TSC22D3: variants seen among roughly 807,000 people sequenced by gnomAD.
The protein encoded by TSC22D3 is TSC22 domain family protein 3.
Under a neutral mutation model 11.1 loss-of-function variants are expected in TSC22D3, and 4 were observed. The ratio of observed to expected loss-of-function variants is 0.36; its 90% confidence interval spans 0.18 to 0.83. The LOEUF is 0.83. TSC22D3 is among the 40% of genes least tolerant of loss of function. TSC22D3 has a pLI of 0.48. For missense variants in TSC22D3, 118 were observed against 159.4 expected, an observed-to-expected ratio of 0.74 and a Z score of 1.40; for synonymous variants, 77 against 70.3, an observed-to-expected ratio of 1.10 and a Z score of -0.48.
At chrX:107,734,560 TG>T (rs1928037024) in intron 1 of TSC22D3, among the ~76,000 whole-genome samples, 1 of 110,784 alleles carries the variant, frequency 9.0e-6, no homozygotes, top group African/African-American at 3.3e-5. Flanking sequence ...TGGGGTCCCA[TG>T]TTGGCAGGCA....
chrX:107,739,507 C>T (rs890608480), intron 1 of TSC22D3, among the ~76,000 whole-genome samples: 6 of 112,394 alleles, frequency 5.3e-5, no homozygotes, highest in African/African-American at 1.9e-4. Context: ...ACCACACACA[C>T]GCTGGGGAAA....
At position 107,755,664 on chromosome X, in the gene TSC22D3, A is replaced by C. The variant is rs1369038956; in HGVS notation, c.320+19436T>G. Among the ~76,000 whole-genome samples the C allele has an allele frequency of 2.7e-5, 3 of 112,557 alleles. No individual in the cohort carries two copies. The East Asian group carries it at 8.3e-4, about 31-fold the overall frequency. On this transcript the variant is annotated intron_variant, in intron 1 of 2. Coordinates refer to ENST00000372383, the MANE Select transcript of TSC22D3 (RefSeq NM_198057.3). ...TGATTTCGTACACATTTCCCACCAA[A>C]TCTTATCCGAATCTGTCAGGAAATC...
At chrX:107,716,545 T>TGGGC in intron 1 of TSC22D3, 9 of 795,747 alleles carry the variant, frequency 1.1e-5, no homozygotes, top group Non-Finnish European at 1.4e-5. Context: ...CCTTCCTGCG[T>TGGGC]CCCCTCCCCC....
At chrX:107,766,469 T>A (rs1051790033) in intron 1 of TSC22D3, among the ~76,000 whole-genome samples, 2 of 16,069 alleles carry the variant, frequency 1.2e-4, no homozygotes, top group African/African-American at 2.3e-4. Flanking sequence ...CCCCAACAAC[T>A]CCCCCCACCC....
intron 1 of TSC22D3, chrX:107,717,262 G>A: frequency 6.4e-6 from 1 of 157,209 alleles, no homozygotes; most frequent in Non-Finnish European, 1.1e-5. Flanking sequence ...TCTGGAGATC[G>A]ATAAAAACCA....
chrX:107,761,709 C>T (rs1929443299), intron 1 of TSC22D3, among the ~76,000 whole-genome samples: 3 of 111,693 alleles, frequency 2.7e-5, no homozygotes, highest in South Asian at 7.5e-4. Context: ...GAGAGTCACT[C>T]GCCTAAATCA....
At chrX:107,771,833 A>G (rs189203862) in intron 1 of TSC22D3, among the ~76,000 whole-genome samples, 1 of 112,395 alleles carries the variant, frequency 8.9e-6, no homozygotes, top group Admixed American at 9.4e-5. Context: ...ACTGATTCGT[A>G]TGTATATACA....
At chrX:107,769,655 CTA>C (rs757794742) in intron 1 of TSC22D3, among the ~76,000 whole-genome samples, 8 of 108,796 alleles carry the variant, frequency 7.4e-5, no homozygotes, top group Admixed American at 2.9e-4. Flanking sequence ...TATTTTACCA[CTA>C]TATATATATA....
chrX:107,763,307 C>G (rs1929523625), intron 1 of TSC22D3, among the ~76,000 whole-genome samples: 1 of 111,574 alleles, frequency 9.0e-6, no homozygotes, highest in Non-Finnish European at 1.9e-5. Context: ...GTTGGCTAAA[C>G]AAGTCCTGTT....
chrX:107,769,312 A>G (rs1486678677), intron 1 of TSC22D3, among the ~76,000 whole-genome samples: 1 of 112,951 alleles, frequency 8.9e-6, no homozygotes, highest in Non-Finnish European at 1.9e-5. Flanking sequence ...TTATTCAGCC[A>G]TAAAAAGAAT....
chrX:107,759,533 T>G (rs747296083), intron 1 of TSC22D3, among the ~76,000 whole-genome samples: 61 of 112,152 alleles, frequency 5.4e-4, no homozygotes, highest in Admixed American at 5.0e-3. Flanking sequence ...AAGTCTGGAC[T>G]CGAACCCAAA....
chrX:107,735,702 TCTC>T (rs1421702819), intron 1 of TSC22D3, among the ~76,000 whole-genome samples: 1 of 108,814 alleles, frequency 9.2e-6, no homozygotes, highest in Non-Finnish European at 1.9e-5. Context: ...TCCTTCCCCT[TCTC>T]CTTCTTCCCC....
chrX:107,716,711 A>G, intron 1 of TSC22D3: 1 of 1,209,248 alleles, frequency 8.3e-7, no homozygotes, highest in Non-Finnish European at 1.1e-6. Context: ...CTTAACGGAA[A>G]CCACATCCCC....
intron 1 of TSC22D3, among the ~76,000 whole-genome samples, chrX:107,728,466 G>A (rs1927744701): frequency 8.9e-6 from 1 of 112,741 alleles, no homozygotes; most frequent in African/African-American, 3.2e-5. Context: ...CTAGGACTTT[G>A]GTCAGTTTCC....
At chrX:107,740,525 T>A (rs1426102546) in intron 1 of TSC22D3, among the ~76,000 whole-genome samples, 3 of 109,673 alleles carry the variant, frequency 2.7e-5, no homozygotes, top group African/African-American at 1.0e-4. Flanking sequence ...GAGGTTGCAG[T>A]GAGCCAAGAT....
chrX:107,767,907 C>A (rs1929741346), intron 1 of TSC22D3, among the ~76,000 whole-genome samples: 1 of 111,947 alleles, frequency 8.9e-6, no homozygotes, highest in African/African-American at 3.3e-5. Context: ...TCTTTCTGAC[C>A]CCTGTGGTCA....
chrX:107,716,700 G>T (rs1470922322), intron 1 of TSC22D3: 1 of 1,205,903 alleles, frequency 8.3e-7, no homozygotes, highest in Non-Finnish European at 1.1e-6. Context: ...CTGTTGTCCA[G>T]CTTAACGGAA....
At chrX:107,721,365 C>T (rs1927320416) in intron 1 of TSC22D3, among the ~76,000 whole-genome samples, 1 of 111,899 alleles carries the variant, frequency 8.9e-6, no homozygotes, top group Non-Finnish European at 1.9e-5. Context: ...CGTCAGGTTC[C>T]CATGGGACAG....
intron 1 of TSC22D3, among the ~76,000 whole-genome samples, chrX:107,734,557 C>T (rs1429109968): frequency 9.0e-6 from 1 of 110,815 alleles, no homozygotes; most frequent in African/African-American, 3.3e-5. Flanking sequence ...TGCTGGGGTC[C>T]CATGTTGGCA....
Sources: allele counts gnomAD v4.1 joint callset (sites outside exome capture counted in the v4.1 genomes callset), GRCh38; gene constraint gnomAD v4.1.1; transcripts MANE v1.5; gene names NCBI Gene and HGNC (gene_info 2026-07-23, HGNC 2026-07-21).